CELF4: variants seen among roughly 807,000 people sequenced by gnomAD.
CELF4 encodes CUGBP Elav-like family member 4.
In CELF4, 18 loss-of-function variants were observed where a neutral mutation model predicts 59.9. The observed-to-expected ratio is 0.30, with a 90% CI of 0.21 to 0.45. The LOEUF (loss-of-function observed/expected upper bound fraction) is 0.45, where lower values mean the gene tolerates loss of function less well. Among genes scored for constraint, CELF4 ranks in the 20% least tolerant of loss-of-function variants. CELF4 has a pLI of 1.00. For synonymous variants in CELF4, 261 were observed against 267.1 expected (o/e 0.98, Z 0.22); for missense variants, 456 against 689.0 (o/e 0.66, Z 3.79).
At chr18:37,561,196 C>T (rs1042592481) in intron 1 of CELF4, among the ~76,000 whole-genome samples, 2 of 152,234 alleles carry the variant, frequency 1.3e-5, no homozygotes, top group East Asian at 1.9e-4. Flanking sequence ...CCCCAGGCTG[C>T]CGGTAAAGTA....
chr18:37,397,605 C>T (rs2099261173), intron 2 of CELF4, among the ~76,000 whole-genome samples: 1 of 152,202 alleles, frequency 6.6e-6, no homozygotes, highest in Admixed American at 6.5e-5. Context: ...CTCCTGGCCA[C>T]TTCCTCTACA....
intron 2 of CELF4, among the ~76,000 whole-genome samples, chr18:37,393,247 C>G (rs1056380905): frequency 6.6e-6 from 1 of 152,094 alleles, no homozygotes; most frequent in African/African-American, 2.4e-5. Context: ...GGCCTGGCAC[C>G]CAGTGGGGAA....
At chr18:37,536,157 C>T (rs1452306328) in intron 1 of CELF4, among the ~76,000 whole-genome samples, 3 of 151,836 alleles carry the variant, frequency 2.0e-5, no homozygotes, top group African/African-American at 2.4e-5. Flanking sequence ...CTGGAAATGA[C>T]GCTCTCTGAA....
intron 3 of CELF4, among the ~76,000 whole-genome samples, chr18:37,320,625 G>T (rs1251581175): frequency 1.3e-5 from 2 of 152,198 alleles, no homozygotes; most frequent in Non-Finnish European, 2.9e-5. Flanking sequence ...CTACTCGGGG[G>T]TCCTTCACCT....
At position 37,565,547 on chromosome 18, in the gene CELF4, T is replaced by C. The variant is rs764379743; in HGVS notation, c.95A>G (p.His32Arg). The C allele has an allele frequency of 1.2e-6, 2 of 1,614,196 alleles. No homozygotes were observed. The highest frequency in any genetic ancestry group is 1.7e-6 in the Non-Finnish European group (2 of 1,180,026). The change falls in exon 1 of 13, where the codon CAC becomes CGC. Residue 32 changes from histidine (H) to arginine (R), a missense_variant. Physicochemically the swap from His to Arg is conservative, Grantham distance 29. Coordinates refer to ENST00000420428, the MANE Select transcript of CELF4 (RefSeq NM_020180.4). Reference protein sequence around the residue: ...GLGSSPGSAGHMNGLSHSPGN... With the variant: ...GLGSSPGSAGRMNGLSHSPGN... ...CGGGCTGTGGCTTAATCCGTTCATGTGCCCGGCACTGCCCGGGCTGCTGCC... is the reference window on the plus strand; with the variant it reads ...CGGGCTGTGGCTTAATCCGTTCATGCGCCCGGCACTGCCCGGGCTGCTGCC...
chr18:37,527,733 G>A (rs887936234), intron 1 of CELF4, among the ~76,000 whole-genome samples: 3 of 152,150 alleles, frequency 2.0e-5, no homozygotes, highest in African/African-American at 7.2e-5. Context: ...TTCATTTCCA[G>A]TCAACCCCCT....
intron 1 of CELF4, among the ~76,000 whole-genome samples, chr18:37,539,467 AC>A (rs1569569806): frequency 0.072 from 8,281 of 114,394 alleles, 688 homozygotes; most frequent in African/African-American, 0.25. Flanking sequence ...ACACACACAC[AC>A]ACAAACACAC....
intron 5 of CELF4, 120 bp from the exon 6 acceptor site, chr18:37,274,574 G>C: frequency 1.9e-6 from 3 of 1,581,598 alleles, no homozygotes; most frequent in Non-Finnish European, 2.6e-6. Context: ...AGGCGGCATC[G>C]GCGCTCGCCC....
intron 2 of CELF4, among the ~76,000 whole-genome samples, chr18:37,398,744 G>T (rs530755096): frequency 6.6e-6 from 1 of 152,122 alleles, no homozygotes; most frequent in African/African-American, 2.4e-5. Context: ...GAGAGTGGTG[G>T]AGCTTAGCAG....
rs35838731 is a variant in CELF4 at position 37,353,767 on chromosome 18, C to CT, written c.370-31887dup. Among the ~76,000 whole-genome samples the CT allele has an allele frequency of 1.7e-3, 155 of 90,950 alleles. 1 individual carries two copies. Among genetic ancestry groups the CT allele is most frequent in the Admixed American group, 0.011 (69 of 6,352 alleles). 59.7% of individuals were successfully genotyped at this position (90,950 alleles called of 152,430 possible). On this transcript the variant is annotated intron_variant, in intron 2 of 12. Coordinates refer to ENST00000420428, the MANE Select transcript of CELF4 (RefSeq NM_020180.4). ...GTGGGGGCGGGGGGGGCAGTTCTTT[C>CT]TTTTTTTTTTTTTTTTTGAGATGGA...
At chr18:37,467,127 G>A (rs937511109) in intron 2 of CELF4, among the ~76,000 whole-genome samples, 4 of 152,076 alleles carry the variant, frequency 2.6e-5, no homozygotes, top group Non-Finnish European at 4.4e-5. Context: ...GTCACTATAC[G>A]GGTCATTATG....
intron 2 of CELF4, among the ~76,000 whole-genome samples, chr18:37,357,743 T>C (rs2098622599): frequency 6.6e-6 from 1 of 152,204 alleles, no homozygotes; most frequent in African/African-American, 2.4e-5. Context: ...GGGGTGGAGC[T>C]GCCCAAGACC....
chr18:37,284,183 A>G (rs1300006141), intron 3 of CELF4, among the ~76,000 whole-genome samples: 2 of 150,550 alleles, frequency 1.3e-5, no homozygotes, highest in Non-Finnish European at 3.0e-5. Flanking sequence ...CAACACATAC[A>G]CAAATACATA....
chr18:37,422,379 G>C (rs918039607), intron 2 of CELF4, among the ~76,000 whole-genome samples: 4 of 152,214 alleles, frequency 2.6e-5, no homozygotes, highest in African/African-American at 9.6e-5. Flanking sequence ...ATTTATCAGG[G>C]AGGAAGGAGG....
intron 2 of CELF4, among the ~76,000 whole-genome samples, chr18:37,399,771 A>G (rs1385258277): frequency 1.3e-5 from 2 of 152,234 alleles, no homozygotes; most frequent in African/African-American, 4.8e-5. Context: ...GTCCTGATTC[A>G]GTAAGACGCT....
In CELF4 at chr18:37,253,259, C is replaced by T. The variant is rs955451297; in HGVS notation, c.*44+508G>A. ...GTTCCCTTTGAAAGATCCTGTCCTT[C>T]CTCTCTTCACTGAGCTATGGGGAAA... On this transcript the variant is annotated intron_variant, in intron 12 of 12. Coordinates refer to ENST00000420428, the MANE Select transcript of CELF4 (RefSeq NM_020180.4). This position sits in a 1 kb window ranked among gnomAD's most constrained non-coding sequence, Gnocchi z 4.5. 6.6e-6 allele frequency among the ~76,000 whole-genome samples: 1 copy of T among 152,190 alleles called. No homozygotes were observed. The highest frequency in any genetic ancestry group is 1.5e-5 in the Non-Finnish European group (1 of 68,034).
At chr18:37,389,569 T>G (rs1324646079) in intron 2 of CELF4, among the ~76,000 whole-genome samples, 1 of 152,128 alleles carries the variant, frequency 6.6e-6, no homozygotes, top group Non-Finnish European at 1.5e-5. Context: ...GGCTGTGGTC[T>G]GCTCACCATG....
At chr18:37,538,222 C>T (rs537705204) in intron 1 of CELF4, among the ~76,000 whole-genome samples, 137 of 152,330 alleles carry the variant, frequency 9.0e-4, no homozygotes, top group Non-Finnish European at 1.7e-3. Flanking sequence ...TACTGTGTGC[C>T]TAGGGATGCA....
intron 1 of CELF4, among the ~76,000 whole-genome samples, chr18:37,517,869 T>C (rs894739744): frequency 3.6e-4 from 55 of 152,250 alleles, no homozygotes; most frequent in Admixed American, 2.5e-3. Context: ...TACACAGGAT[T>C]CCCCGTGGCA....
Sources: gnomAD v4.1 joint callset for allele counts (sites outside exome capture counted in the v4.1 genomes callset) on GRCh38, gnomAD v4.1.1 for gene constraint, Gnocchi (gnomAD v3.1) non-coding constraint, MANE v1.5 for transcripts, NCBI Gene and HGNC (gene_info 2026-07-23, HGNC 2026-07-21) for gene names.